CNBD1: variants seen among roughly 807,000 people sequenced by gnomAD.
CNBD1 encodes cyclic nucleotide binding domain containing 1.
Under a neutral mutation model 54.4 loss-of-function variants are expected in CNBD1, and 71 were observed. That is an observed-to-expected ratio of 1.30 (90% CI 1.08 to 1.59). CNBD1 has a LOEUF of 1.59. Ranked by LOEUF, CNBD1 falls within the 40% of genes most tolerant of loss-of-function variation. The pLI, the probability that CNBD1 is intolerant of heterozygous loss-of-function variation, is 0.00. For missense variants in CNBD1, 659 were observed against 518.0 expected, an observed-to-expected ratio of 1.27 and a Z score of -2.64; for synonymous variants, 182 against 170.7, an observed-to-expected ratio of 1.07 and a Z score of -0.51.
intron 6 of CNBD1, among the ~76,000 whole-genome samples, chr8:87,262,421 G>C (rs999221559): frequency 6.6e-6 from 1 of 152,120 alleles, no homozygotes; most frequent in African/African-American, 2.4e-5. Flanking sequence ...AGGTGTGTCT[G>C]TAAGGGTTAT....
intron 4 of CNBD1, among the ~76,000 whole-genome samples, chr8:86,961,615 C>T (rs1234439861): frequency 6.6e-6 from 1 of 152,196 alleles, no homozygotes; most frequent in Admixed American, 6.5e-5. Flanking sequence ...TGGGATGTCC[C>T]CCTGTGGGAT....
At chr8:87,282,498 G>T (rs138434449) in intron 6 of CNBD1, among the ~76,000 whole-genome samples, 2 of 151,690 alleles carry the variant, frequency 1.3e-5, no homozygotes, top group East Asian at 3.9e-4. Flanking sequence ...AGTAAATAAA[G>T]AATTCTGGGT....
chr8:87,403,911 T>C (rs1463163239), intron 2 of CNBD1, among the ~76,000 whole-genome samples: 3 of 152,036 alleles, frequency 2.0e-5, no homozygotes, highest in Non-Finnish European at 2.9e-5. Flanking sequence ...CTCTCCCCCA[T>C]GATGTGATTT....
At chr8:87,246,726 C>T (rs2130835007) in intron 6 of CNBD1, among the ~76,000 whole-genome samples, 1 of 152,168 alleles carries the variant, frequency 6.6e-6, no homozygotes, top group South Asian at 2.1e-4. Flanking sequence ...CATGGGAGAG[C>T]AGCACTCCCC....
chr8:87,112,477 A>G (rs56292347), intron 4 of CNBD1, among the ~76,000 whole-genome samples: 29,418 of 151,870 alleles, frequency 0.19, 3,161 homozygotes, highest in Non-Finnish European at 0.25. Context: ...GTTTCTCTAA[A>G]CCCTGACAGA....
intron 2 of CNBD1, among the ~76,000 whole-genome samples, chr8:87,408,696 A>C (rs1390454610): frequency 6.6e-6 from 1 of 152,122 alleles, no homozygotes; most frequent in Non-Finnish European, 1.5e-5. Context: ...GTTTATCAGC[A>C]CAAGTTTTCC....
intron 4 of CNBD1, among the ~76,000 whole-genome samples, chr8:87,187,356 AAG>A (rs1813502165): frequency 6.6e-6 from 1 of 152,096 alleles, no homozygotes; most frequent in Non-Finnish European, 1.5e-5. Context: ...ATGGAAGAAT[AAG>A]AGTTTTTGAA....
intron 4 of CNBD1, among the ~76,000 whole-genome samples, chr8:87,169,264 A>T (rs1241213076): frequency 6.6e-6 from 1 of 151,980 alleles, no homozygotes; most frequent in Non-Finnish European, 1.5e-5. Flanking sequence ...GACCATTTTT[A>T]ATCAGATTAT....
Position 87,325,127 on chromosome 8 carries a change from T to C in CNBD1, c.1043-26558T>C, listed in dbSNP as rs1208802655. On this transcript the variant is annotated intron_variant, in intron 8 of 10. Coordinates refer to ENST00000518476, the MANE Select transcript of CNBD1 (RefSeq NM_173538.3). ...GTTGGGCGGCTTTGAGTGAGATTCTTAATCCTGAGTTCTAGTTTGATTTCA... is the reference window on the plus strand; with the variant it reads ...GTTGGGCGGCTTTGAGTGAGATTCTCAATCCTGAGTTCTAGTTTGATTTCA... 4.2e-5 allele frequency among the ~76,000 whole-genome samples: 4 copies of C among 96,048 alleles called. 1 individual carries two copies. Among genetic ancestry groups the C allele is most frequent in the Non-Finnish European group, 8.2e-5 (4 of 49,012 alleles). 63.0% of individuals were successfully genotyped at this position (96,048 alleles called of 152,430 possible).
rs554064791 is a variant in CNBD1, at chr8:87,425,549, C to G, written c.214-2997C>G. Among the ~76,000 whole-genome samples, 20 of 152,262 alleles carry G rather than the reference C, an allele frequency of 1.3e-4. No homozygotes were observed. The East Asian group carries it at 3.9e-3, about 29-fold the overall frequency. On this transcript the variant is annotated intron_variant, in intron 2 of 7. Coordinates refer to the CNBD1 transcript ENST00000521593. ...TTTTCCTTCTAACACACAGGACCCT[C>G]AGCTGCAGGTCTGTTGGAGTACCCT...
At chr8:87,157,290 C>T (rs1410254890) in intron 4 of CNBD1, among the ~76,000 whole-genome samples, 2 of 152,134 alleles carry the variant, frequency 1.3e-5, no homozygotes, top group East Asian at 3.9e-4. Context: ...CTGTGTGTTC[C>T]TTCTGAAAAC....
intron 3 of CNBD1, among the ~76,000 whole-genome samples, chr8:86,909,130 AAAC>A (rs1297315999): frequency 6.6e-6 from 1 of 152,140 alleles, no homozygotes; most frequent in East Asian, 1.9e-4. Flanking sequence ...ATTTTTTTTA[AAAC>A]AACAACAACA....
chr8:87,385,934 T>C (rs560893889), downstream of CNBD1, among the ~76,000 whole-genome samples: 1 of 152,222 alleles, frequency 6.6e-6, no homozygotes, highest in Admixed American at 6.5e-5. Flanking sequence ...AGAGGAACTA[T>C]CAGGCAGCAA....
At chr8:87,375,291 G>A (rs980008640) in intron 10 of CNBD1, among the ~76,000 whole-genome samples, 4 of 151,842 alleles carry the variant, frequency 2.6e-5, no homozygotes, top group South Asian at 2.1e-4. Context: ...CTTAGCAAAT[G>A]TCATAGGGTA....
chr8:87,347,154 C>A (rs968870306), intron 8 of CNBD1, among the ~76,000 whole-genome samples: 5 of 152,136 alleles, frequency 3.3e-5, no homozygotes, highest in African/African-American at 1.2e-4. Flanking sequence ...CAACTGTACA[C>A]TTTCTTTTTA....
At chr8:87,042,244 T>C (rs1052499719) in intron 4 of CNBD1, among the ~76,000 whole-genome samples, 2 of 152,146 alleles carry the variant, frequency 1.3e-5, no homozygotes, top group Admixed American at 6.5e-5. Context: ...ATTAAATATA[T>C]CCCAGTGGAG....
rs1433203643 is a variant in CNBD1 at position 87,244,001 on chromosome 8, C to T, written c.771+6889C>T. 3.3e-5 allele frequency among the ~76,000 whole-genome samples: 5 copies of T among 152,104 alleles called. No homozygotes were observed. The East Asian group carries it at 9.7e-4, about 29-fold the overall frequency. ...AGCCCTGAAAATTTGAGACAGGTCTCAGTTAATTTAGAAAGTTTATTTTGC... is the reference window on the plus strand; with the variant it reads ...AGCCCTGAAAATTTGAGACAGGTCTTAGTTAATTTAGAAAGTTTATTTTGC... On this transcript the variant is annotated intron_variant, in intron 6 of 10. Transcript: ENST00000518476.
chr8:87,101,234 G>C (rs919818470), intron 4 of CNBD1, among the ~76,000 whole-genome samples: 2 of 152,190 alleles, frequency 1.3e-5, no homozygotes, highest in African/African-American at 2.4e-5. Flanking sequence ...GTTGTAAGTA[G>C]TAGACAAGGC....
intron 6 of CNBD1, among the ~76,000 whole-genome samples, chr8:87,274,419 C>T (rs1160969452): frequency 6.9e-6 from 1 of 145,684 alleles, no homozygotes; most frequent in Non-Finnish European, 1.5e-5. Context: ...TCTCCACATC[C>T]TCTCCAGCAC....
Sources: allele counts gnomAD v4.1 joint callset (sites outside exome capture counted in the v4.1 genomes callset), GRCh38; gene constraint gnomAD v4.1.1; transcripts MANE v1.5; gene names NCBI Gene and HGNC (gene_info 2026-07-23, HGNC 2026-07-21).